SLC22A4: variants seen among roughly 807,000 people sequenced by gnomAD.
SLC22A4 encodes the protein solute carrier family 22 member 4.
A neutral mutation model predicts 56.6 loss-of-function variants in SLC22A4; 39 were observed. The ratio of observed to expected loss-of-function variants is 0.69; its 90% confidence interval spans 0.53 to 0.90. The LOEUF is 0.90. Among genes scored for constraint, SLC22A4 ranks in the 40% least tolerant of loss-of-function variants. The pLI is 0.00. For missense variants in SLC22A4, 594 were observed against 696.5 expected (o/e 0.85, Z 1.66); for synonymous variants, 241 against 281.4 (o/e 0.86, Z 1.44).
intron 6 of SLC22A4, among the ~76,000 whole-genome samples, chr5:132,332,527 A>G (rs1750892821): frequency 6.6e-6 from 1 of 152,068 alleles, no homozygotes; most frequent in African/African-American, 2.4e-5. Context: ...CCTGAAGCTG[A>G]CCTGGCAATT....
At chr5:132,335,673 A>C in intron 7 of SLC22A4, 145 bp from the exon 8 acceptor site, 2 of 725,034 alleles carry the variant, frequency 2.8e-6, no homozygotes, top group Non-Finnish European at 4.8e-6. Context: ...AAATATTAGG[A>C]CATTTGAAGA....
At chr5:132,324,607 G>C in intron 4 of SLC22A4, 1 of 471,034 alleles carries the variant, frequency 2.1e-6, no homozygotes, top group South Asian at 1.5e-5. Context: ...TCCTATAAAA[G>C]AAAATAGCTT....
chr5:132,316,984 G>T (rs34757387), intron 3 of SLC22A4, among the ~76,000 whole-genome samples: 11,686 of 152,264 alleles, frequency 0.077, 575 homozygotes, highest in East Asian at 0.27. Flanking sequence ...TGTCTGGTGA[G>T]GGTTCTCCCA....
chr5:132,312,177 A>G lies in SLC22A4; in HGVS notation c.410A>G (p.Glu137Gly). Residue 137 changes from glutamate to glycine, a missense_variant, in exon 2 of 10, where the codon GAG becomes GGG. By Grantham distance (98) the Glu-to-Gly change is moderately conservative. Transcript: ENST00000200652. ...TVVTEWNLVC[E>G]DNWKVPLTTS... ...CCTTGGCAGTGGAATCTGGTGTGTG[A>G]GGACAACTGGAAGGTGCCCCTCACC... 1 of 1,610,958 alleles carries G rather than the reference A, an allele frequency of 6.2e-7. No homozygotes were observed. The highest frequency in any genetic ancestry group is 2.2e-5 in the East Asian group (1 of 44,856).
chr5:132,332,730 GCACACACACACACACA>G (rs3840351), intron 6 of SLC22A4, among the ~76,000 whole-genome samples: 8 of 145,744 alleles, frequency 5.5e-5, no homozygotes, highest in East Asian at 2.0e-4. Context: ...TATGATGGCA[GCACACACACACACACA>G]CACACACACA....
intron 1 of SLC22A4, among the ~76,000 whole-genome samples, chr5:132,303,829 G>A (rs1162308256): frequency 6.6e-6 from 1 of 152,170 alleles, no homozygotes; most frequent in Non-Finnish European, 1.5e-5. Context: ...TGAGATAAAT[G>A]GGCCGCTTTC....
At chr5:132,300,955 T>C (rs1580819167) in intron 1 of SLC22A4, among the ~76,000 whole-genome samples, 1 of 152,222 alleles carries the variant, frequency 6.6e-6, no homozygotes, top group East Asian at 1.9e-4. Context: ...GATCTCAGTC[T>C]CCATGGGCAT....
intron 1 of SLC22A4, among the ~76,000 whole-genome samples, chr5:132,300,738 G>C (rs1749888769): frequency 6.6e-6 from 1 of 152,238 alleles, no homozygotes; most frequent in Non-Finnish European, 1.5e-5. Flanking sequence ...GTCAGGGCTA[G>C]AGGAGTCTGT....
chr5:132,308,861 C>A (rs1327419112), intron 1 of SLC22A4, among the ~76,000 whole-genome samples: 1 of 152,216 alleles, frequency 6.6e-6, no homozygotes, highest in Non-Finnish European at 1.5e-5. Context: ...CTTGAAAGCA[C>A]ACCCCCAAAG....
chr5:132,296,060 A>C (rs1749770927), intron 1 of SLC22A4, among the ~76,000 whole-genome samples: 1 of 152,224 alleles, frequency 6.6e-6, no homozygotes, highest in South Asian at 2.1e-4. Context: ...CTGGTTAGCA[A>C]TAGGGTTCTG....
At chr5:132,332,689 A>G (rs1391654446) in intron 6 of SLC22A4, among the ~76,000 whole-genome samples, 1 of 151,848 alleles carries the variant, frequency 6.6e-6, no homozygotes, top group Non-Finnish European at 1.5e-5. Flanking sequence ...TTTATCTGCC[A>G]AGAAAAAAGG....
chr5:132,295,918 G>A (rs775093436), intron 1 of SLC22A4, among the ~76,000 whole-genome samples: 13 of 152,188 alleles, frequency 8.5e-5, no homozygotes, highest in South Asian at 2.1e-4. Flanking sequence ...CCCTCAGCAC[G>A]GTATAGCGGT....
At chr5:132,327,513 C>A in intron 5 of SLC22A4, 110 bp downstream of exon 5, 2 of 895,808 alleles carry the variant, frequency 2.2e-6, no homozygotes, top group Non-Finnish European at 3.7e-6. Flanking sequence ...AGGCATTGCA[C>A]TAGGCCTTAG....
At chr5:132,334,463 C>T (rs568861272) in intron 6 of SLC22A4, among the ~76,000 whole-genome samples, 5 of 152,260 alleles carry the variant, frequency 3.3e-5, no homozygotes, top group East Asian at 3.9e-4. Context: ...TCTGCAGTGA[C>T]GGAAATGTTT....
intron 2 of SLC22A4, among the ~76,000 whole-genome samples, chr5:132,312,482 C>T (rs967910905): frequency 6.6e-6 from 1 of 152,192 alleles, no homozygotes; most frequent in African/African-American, 2.4e-5. Context: ...GCCTCATGCT[C>T]CCAGGGCTTT....
chr5:132,324,137 C>A (rs273916), intron 4 of SLC22A4, among the ~76,000 whole-genome samples: 107,186 of 151,824 alleles, frequency 0.71, 38,377 homozygotes, highest in African/African-American at 0.81. Context: ...GATTACAGTG[C>A]GCTATATGAT....
At chr5:132,332,765 C>CACAT (rs1750903895) in intron 6 of SLC22A4, among the ~76,000 whole-genome samples, 3 of 148,664 alleles carry the variant, frequency 2.0e-5, no homozygotes, top group Non-Finnish European at 3.0e-5. Flanking sequence ...CACACACACA[C>CACAT]ACGATGATCG....
intron 8 of SLC22A4, among the ~76,000 whole-genome samples, chr5:132,336,600 C>T (rs985813839): frequency 6.6e-6 from 1 of 152,118 alleles, no homozygotes; most frequent in Non-Finnish European, 1.5e-5. Context: ...ACTTTTTAAA[C>T]TTAACATTGT....
At chr5:132,340,784 G>T in intron 9 of SLC22A4, 84 bp downstream of exon 9, 1 of 1,324,994 alleles carries the variant, frequency 7.5e-7, no homozygotes, top group Non-Finnish European at 1.1e-6. Context: ...TTCTGAAATA[G>T]AAGAGTAATA....
Sources: allele counts gnomAD v4.1 joint callset (sites outside exome capture counted in the v4.1 genomes callset), GRCh38; gene constraint gnomAD v4.1.1; transcripts MANE v1.5; gene names NCBI Gene and HGNC (gene_info 2026-07-23, HGNC 2026-07-21).